MANBA: variants seen among roughly 807,000 people sequenced by gnomAD.
MANBA encodes the protein beta-mannosidase.
Under a neutral mutation model 111.1 loss-of-function variants are expected in MANBA, and 83 were observed. The ratio of observed to expected loss-of-function variants is 0.75; its 90% CI spans 0.63 to 0.90. The LOEUF (loss-of-function observed/expected upper bound fraction) is 0.90. Ranked by LOEUF, MANBA falls within the 40% of genes least tolerant of loss-of-function variation. MANBA has a pLI of 0.00. For synonymous variants in MANBA, 370 were observed against 378.7 expected (o/e 0.98, Z 0.27); for missense variants, 1,036 against 1,069.0 (o/e 0.97, Z 0.43).
chr4:102,744,499 A>C (rs1332539152), intron 1 of MANBA, among the ~76,000 whole-genome samples: 1 of 152,228 alleles, frequency 6.6e-6, no homozygotes, highest in Non-Finnish European at 1.5e-5. Flanking sequence ...GCAAAGGTAT[A>C]TTGCTGGCCT....
At chr4:102,713,934 T>A (rs549494483) in intron 5 of MANBA, among the ~76,000 whole-genome samples, 71 of 152,054 alleles carry the variant, frequency 4.7e-4, no homozygotes, top group African/African-American at 1.7e-3. Flanking sequence ...AAGAAATCTT[T>A]CTTTTGCCCT....
chr4:102,760,772 G>T lies in MANBA; in HGVS notation c.123C>A (p.Pro41=), dbSNP rs769798393. Residue 41 remains proline (P), a synonymous_variant, in exon 1 of 17, where the codon CCC becomes CCA. Transcript: ENST00000647097. ...TGTGCACGCAGCCAGGGACCGCCCC[G>T]GGCAGCTCCAGCGAGCCGTTCCCAT... ...ICNGNGSLEL[P]GAVPGCVHSA... 9.0e-6 allele frequency: 14 copies of T among 1,551,412 alleles called. No homozygotes were observed. In the South Asian group the frequency reaches 1.5e-4, roughly 17 times the overall value.
intron 5 of MANBA, among the ~76,000 whole-genome samples, chr4:102,692,078 C>T (rs888789296): frequency 2.0e-5 from 3 of 152,094 alleles, no homozygotes; most frequent in African/African-American, 4.8e-5. Flanking sequence ...CAGATCAATG[C>T]GGAGTCATTG....
At chr4:102,634,560 TG>T (rs1729529847) in intron 16 of MANBA, among the ~76,000 whole-genome samples, 1 of 152,248 alleles carries the variant, frequency 6.6e-6, no homozygotes, top group African/African-American at 2.4e-5. Context: ...GGAGGGGTGA[TG>T]GGACAAACGA....
At chr4:102,758,822 C>A (rs1013597065) in intron 1 of MANBA, among the ~76,000 whole-genome samples, 7 of 152,154 alleles carry the variant, frequency 4.6e-5, no homozygotes, top group African/African-American at 1.2e-4. Context: ...CTGTGCCCAG[C>A]CTGATGATTA....
chr4:102,734,732 C>T, intron 1 of MANBA: 1 of 664,514 alleles, frequency 1.5e-6, no homozygotes, highest in East Asian at 2.8e-5. Flanking sequence ...GAGGCTGTGA[C>T]ACCCTCTGAC....
At chr4:102,697,682 T>C (rs1578912466) in intron 5 of MANBA, among the ~76,000 whole-genome samples, 1 of 150,122 alleles carries the variant, frequency 6.7e-6, no homozygotes, top group African/African-American at 2.5e-5. Flanking sequence ...ACAAAGGACA[T>C]GAACTCATCA....
chr4:102,719,936 G>A (rs893234658), intron 4 of MANBA, among the ~76,000 whole-genome samples: 2 of 152,156 alleles, frequency 1.3e-5, no homozygotes, highest in South Asian at 2.1e-4. Context: ...GCAGAAAACT[G>A]GATCTGATTC....
intron 13 of MANBA, among the ~76,000 whole-genome samples, chr4:102,646,830 G>A (rs1331515817): frequency 1.3e-5 from 2 of 152,118 alleles, no homozygotes; most frequent in Non-Finnish European, 2.9e-5. Flanking sequence ...GAGAATTAAA[G>A]AGGCAGGAGC....
At chr4:102,668,649 A>G (rs1731337039) in intron 10 of MANBA, 1 of 321,384 alleles carries the variant, frequency 3.1e-6, no homozygotes, top group Admixed American at 4.6e-5. Context: ...GTGCAATATA[A>G]GTTTAGTTTG....
chr4:102,753,837 C>T (rs531150059), intron 1 of MANBA: 3 of 335,002 alleles, frequency 9.0e-6, no homozygotes, highest in Non-Finnish European at 1.8e-5. Context: ...AATCCCAGCA[C>T]TTTGACAGGC....
At chr4:102,666,833 C>G (rs1479633335) in intron 10 of MANBA, 1 of 152,274 alleles carries the variant, frequency 6.6e-6, no homozygotes, top group Non-Finnish European at 1.5e-5. Context: ...TTGTAGCCAC[C>G]ACCCAGTGCA....
intron 1 of MANBA, among the ~76,000 whole-genome samples, chr4:102,747,173 A>ATATATATATATATATATAT (rs1560812741): frequency 5.9e-5 from 9 of 151,388 alleles, no homozygotes; most frequent in African/African-American, 2.0e-4. Flanking sequence ...ATATATATAT[A>ATATATATATATATATATAT]AAGGGGAGTT....
intron 11 of MANBA, among the ~76,000 whole-genome samples, chr4:102,660,098 C>T (rs920759280): frequency 1.3e-5 from 2 of 152,178 alleles, no homozygotes; most frequent in Non-Finnish European, 2.9e-5. Flanking sequence ...TGTTGTCTTG[C>T]CAACATCGCA....
chr4:102,702,583 C>T (rs1261047559), intron 5 of MANBA, among the ~76,000 whole-genome samples: 3 of 152,100 alleles, frequency 2.0e-5, no homozygotes, highest in Admixed American at 1.3e-4. Context: ...ACAGACAGGA[C>T]CCTCAGCTGC....
At chr4:102,727,815 A>T in intron 1 of MANBA, 1 of 635,590 alleles carries the variant, frequency 1.6e-6, no homozygotes, top group Non-Finnish European at 2.8e-6. Context: ...TGATGGAGAA[A>T]TACTTCCGGA....
At chr4:102,671,966 C>T (rs1421726451) in intron 8 of MANBA, 3 of 402,896 alleles carry the variant, frequency 7.4e-6, no homozygotes, top group Non-Finnish European at 1.3e-5. Context: ...CTGGGCAGAC[C>T]CAGAGCACTG....
At chr4:102,652,334 C>A (rs12152655) in intron 12 of MANBA, among the ~76,000 whole-genome samples, 5,996 of 152,164 alleles carry the variant, frequency 0.039, 171 homozygotes, top group Non-Finnish European at 0.061. Context: ...TTGGAGTGTC[C>A]TTCCTCCTTT....
chr4:102,681,897 G>C (rs531350475), intron 7 of MANBA, among the ~76,000 whole-genome samples: 1 of 152,218 alleles, frequency 6.6e-6, no homozygotes, highest in South Asian at 2.1e-4. Context: ...TGTAATCCTA[G>C]CACTTTGGGA....
Sources: allele counts gnomAD v4.1 joint callset (sites outside exome capture counted in the v4.1 genomes callset), GRCh38; gene constraint gnomAD v4.1.1; transcripts MANE v1.5; gene names NCBI Gene and HGNC (gene_info 2026-07-23, HGNC 2026-07-21).